The following LRRC4C variants were observed in gnomAD, a reference collection of about 807,000 sequenced individuals.
The protein encoded by LRRC4C is leucine rich repeat containing 4C.
A neutral mutation model predicts 33.6 loss-of-function variants in LRRC4C; 5 were observed. That is an observed-to-expected ratio of 0.15 (90% confidence interval 0.08 to 0.31). LRRC4C has a LOEUF of 0.31. Among genes scored for constraint, LRRC4C ranks in the 10% least tolerant of loss-of-function variants. The pLI, the probability that LRRC4C is intolerant of heterozygous loss-of-function variation, is 1.00. For synonymous variants in LRRC4C, 329 were observed against 302.0 expected (o/e 1.09, Z -0.93); for missense variants, 560 against 796.7 (o/e 0.70, Z 3.58).
intron 3 of LRRC4C, among the ~76,000 whole-genome samples, chr11:40,567,333 GA>G (rs1488697330): frequency 6.6e-6 from 1 of 151,636 alleles, no homozygotes; most frequent in East Asian, 1.9e-4. Flanking sequence ...GCCAAGTACA[GA>G]AAAAAAAGGC....
Position 41,291,450 on chromosome 11 carries a change from A to G in LRRC4C, c.-496+167981T>C, listed in dbSNP as rs570412883. Among the ~76,000 whole-genome samples the G allele has an allele frequency of 2.7e-4, 41 of 152,292 alleles. No homozygotes were observed. The South Asian group carries it at 7.5e-3, about 28-fold the overall frequency. ...ACTTTTGTCTATTTAATTGTGGGTA[A>G]TATAAAATCTCTATATATAACATGA... On this transcript the variant is annotated intron_variant, in intron 1 of 6. Transcript: ENST00000528697.
At chr11:40,562,654 A>G (rs1957594690) in intron 3 of LRRC4C, among the ~76,000 whole-genome samples, 1 of 152,132 alleles carries the variant, frequency 6.6e-6, no homozygotes, top group South Asian at 2.1e-4. Context: ...CATTATTTCA[A>G]ACTACCTTAA....
At chr11:40,728,279 G>C (rs1378244595) in intron 2 of LRRC4C, among the ~76,000 whole-genome samples, 2 of 151,984 alleles carry the variant, frequency 1.3e-5, no homozygotes, top group Non-Finnish European at 2.9e-5. Flanking sequence ...ATTTGACCCA[G>C]AAACCCCATT....
chr11:40,114,958 T>C lies in LRRC4C; in HGVS notation c.1335A>G (p.Ala445=). ...TTASATLNVT[A]ATTTPFSYFS... The stretch of plus-strand genomic sequence containing the variant: ...AGTAAGAGAAAGGAGTAGTGGTTGC[T>C]GCAGTAACATTCAGGGTGGCTGAAG... The change falls in exon 7 of 7, where the codon GCA becomes GCG. Residue 445 remains alanine (A), a synonymous_variant. Transcript: ENST00000528697. 1.2e-6 allele frequency: 2 copies of C among 1,614,206 alleles called. No individual in the cohort carries two copies. Among genetic ancestry groups the C allele is most frequent in the Non-Finnish European group, 1.7e-6 (2 of 1,180,030 alleles).
chr11:40,347,072 C>T (rs540993624), intron 3 of LRRC4C, among the ~76,000 whole-genome samples: 10 of 152,354 alleles, frequency 6.6e-5, no homozygotes, highest in African/African-American at 2.2e-4. Context: ...GACTTCTCCT[C>T]TCTTGCTATG....
At chr11:40,558,408 A>G (rs1330205006) in intron 3 of LRRC4C, among the ~76,000 whole-genome samples, 1 of 152,306 alleles carries the variant, frequency 6.6e-6, no homozygotes, top group African/African-American at 2.4e-5. Context: ...TTCTGGCTAC[A>G]TTAGTAACAT....
intron 1 of LRRC4C, among the ~76,000 whole-genome samples, chr11:41,225,916 C>T (rs976510188): frequency 6.6e-6 from 1 of 152,122 alleles, no homozygotes; most frequent in Non-Finnish European, 1.5e-5. Flanking sequence ...CCATGCCACT[C>T]ACCTCAACAG....
chr11:41,022,080 C>A (rs1856019906), intron 1 of LRRC4C, among the ~76,000 whole-genome samples: 1 of 150,482 alleles, frequency 6.6e-6, no homozygotes, highest in African/African-American at 2.4e-5. Context: ...TGGACTCTCT[C>A]CATAGGAATG....
At chr11:40,493,328 C>G (rs1359987896) in intron 3 of LRRC4C, among the ~76,000 whole-genome samples, 1 of 151,940 alleles carries the variant, frequency 6.6e-6, no homozygotes, top group Admixed American at 6.6e-5. Flanking sequence ...CCAAAATATA[C>G]CTGTGTAATC....
chr11:41,431,609 C>G (rs1955235881), intron 1 of LRRC4C, among the ~76,000 whole-genome samples: 2 of 151,312 alleles, frequency 1.3e-5, no homozygotes, highest in African/African-American at 4.8e-5. Flanking sequence ...TCTCTCCTAC[C>G]TGCAAGAAGC....
intron 3 of LRRC4C, among the ~76,000 whole-genome samples, chr11:40,376,723 G>A (rs1051135301): frequency 7.3e-6 from 1 of 137,580 alleles, no homozygotes; most frequent in Non-Finnish European, 1.5e-5. Context: ...GTGTGCTTAT[G>A]TGTGTGTGTG....
chr11:41,323,179 A>C (rs1951007824), intron 1 of LRRC4C, among the ~76,000 whole-genome samples: 1 of 152,094 alleles, frequency 6.6e-6, no homozygotes, highest in African/African-American at 2.4e-5. Flanking sequence ...TATTTCTTTT[A>C]ATCTATTGCC....
intron 5 of LRRC4C, among the ~76,000 whole-genome samples, chr11:40,145,746 A>G (rs1857684490): frequency 6.6e-6 from 1 of 152,188 alleles, no homozygotes; most frequent in African/African-American, 2.4e-5. Context: ...CTCCTTTCTC[A>G]CTTAACTTGC....
At chr11:40,804,698 A>AT (rs1356369398) in intron 2 of LRRC4C, among the ~76,000 whole-genome samples, 1 of 152,186 alleles carries the variant, frequency 6.6e-6, no homozygotes, top group Non-Finnish European at 1.5e-5. Flanking sequence ...CTCCCAAGTT[A>AT]TTACTTTACT....
chr11:40,576,171 G>C (rs1056190773), intron 3 of LRRC4C, among the ~76,000 whole-genome samples: 2 of 152,174 alleles, frequency 1.3e-5, no homozygotes, highest in South Asian at 4.1e-4. Flanking sequence ...GAGGGATGAA[G>C]GAAGATAAAA....
intron 2 of LRRC4C, among the ~76,000 whole-genome samples, chr11:40,889,706 A>G (rs1302940660): frequency 1.3e-5 from 2 of 152,246 alleles, no homozygotes; most frequent in Non-Finnish European, 2.9e-5. Flanking sequence ...TGAATATTTC[A>G]GTAGCAACAC....
chr11:41,400,618 A>G (rs911896331), intron 1 of LRRC4C, among the ~76,000 whole-genome samples: 4 of 152,018 alleles, frequency 2.6e-5, no homozygotes, highest in Admixed American at 6.6e-5. Flanking sequence ...CAAAATGCCA[A>G]TGTACAAAAT....
intron 1 of LRRC4C, among the ~76,000 whole-genome samples, chr11:41,275,819 G>A (rs1043849136): frequency 6.6e-6 from 1 of 152,230 alleles, no homozygotes; most frequent in South Asian, 2.1e-4. Flanking sequence ...AGAAACAGAT[G>A]TTCATTATAT....
intron 3 of LRRC4C, among the ~76,000 whole-genome samples, chr11:40,608,736 A>G (rs973949226): frequency 1.3e-5 from 2 of 152,184 alleles, no homozygotes; most frequent in African/African-American, 4.8e-5. Context: ...AGCAATGAAA[A>G]AGATATTCCA....
Sources: allele counts gnomAD v4.1 joint callset (sites outside exome capture counted in the v4.1 genomes callset), GRCh38; gene constraint gnomAD v4.1.1; transcripts MANE v1.5; gene names NCBI Gene and HGNC (gene_info 2026-07-23, HGNC 2026-07-21).